The following OTUD7A variants were observed in gnomAD, a reference collection of about 807,000 sequenced individuals.
OTUD7A encodes OTU domain-containing protein 7A.
Under a neutral mutation model 65.7 loss-of-function variants are expected in OTUD7A, and 12 were observed. The ratio of observed to expected loss-of-function variants is 0.18; its 90% confidence interval spans 0.12 to 0.30. The LOEUF (loss-of-function observed/expected upper bound fraction) is 0.30. Ranked by LOEUF, OTUD7A falls within the 10% of genes least tolerant of loss-of-function variation. OTUD7A has a pLI of 1.00. For missense variants in OTUD7A, 1,148 were observed against 1,304.8 expected (o/e 0.88, Z 1.85); for synonymous variants, 641 against 586.3 (o/e 1.09, Z -1.35).
chr15:31,840,952 G>A lies in OTUD7A; in HGVS notation c.-100+29555C>T, dbSNP rs78821380. Among the ~76,000 whole-genome samples the A allele has an allele frequency of 4.1e-3, 629 of 152,290 alleles. 3 individuals carry two copies. Among genetic ancestry groups the A allele is most frequent in the Non-Finnish European group, 7.1e-3 (481 of 68,012 alleles). On this transcript the variant is annotated intron_variant, in intron 1 of 12. Transcript: ENST00000307050. ...CTTGTCACAGTACCACGCTGGGAGG[G>A]CTTCTGACAGACCACAACACCCTGC...
chr15:31,831,069 C>T (rs1035060832), intron 1 of OTUD7A, among the ~76,000 whole-genome samples: 3 of 152,138 alleles, frequency 2.0e-5, no homozygotes, highest in Non-Finnish European at 2.9e-5. Flanking sequence ...ATAGGATGGT[C>T]TTTTCAACAA....
intron 1 of OTUD7A, among the ~76,000 whole-genome samples, chr15:31,795,667 C>T (rs1895932496): frequency 6.6e-6 from 1 of 152,162 alleles, no homozygotes; most frequent in Non-Finnish European, 1.5e-5. Context: ...AGCCACTCTC[C>T]CCGGCCTGCA....
chr15:31,638,655 A>G (rs556214687), intron 3 of OTUD7A, among the ~76,000 whole-genome samples: 14 of 151,594 alleles, frequency 9.2e-5, no homozygotes, highest in Non-Finnish European at 2.1e-4. Context: ...CTTGGCTCTC[A>G]AAGTGCTGGG....
intron 1 of OTUD7A, among the ~76,000 whole-genome samples, chr15:31,777,985 G>A (rs990903559): frequency 2.0e-5 from 3 of 152,138 alleles, no homozygotes; most frequent in African/African-American, 7.2e-5. Flanking sequence ...GAAATGGAGC[G>A]GCTCTTAGAC....
intron 3 of OTUD7A, among the ~76,000 whole-genome samples, chr15:31,615,818 C>T (rs1030961494): frequency 1.6e-4 from 24 of 152,186 alleles, no homozygotes; most frequent in Middle Eastern, 3.2e-3. Context: ...CTTCCAGGTA[C>T]CAACAGAGAC....
chr15:31,549,638 G>C (rs1888253462), intron 5 of OTUD7A, among the ~76,000 whole-genome samples: 1 of 152,152 alleles, frequency 6.6e-6, no homozygotes, highest in Non-Finnish European at 1.5e-5. Context: ...GAAAGTCAGA[G>C]AGATTTACAG....
At chr15:31,623,028 A>G (rs1890843053) in intron 3 of OTUD7A, among the ~76,000 whole-genome samples, 4 of 152,132 alleles carry the variant, frequency 2.6e-5, no homozygotes, top group Non-Finnish European at 5.9e-5. Context: ...CTGGAGGTCC[A>G]CTCCAGAACC....
chr15:31,839,130 G>A (rs1897126349), intron 1 of OTUD7A, among the ~76,000 whole-genome samples: 2 of 152,154 alleles, frequency 1.3e-5, no homozygotes, highest in South Asian at 4.1e-4. Flanking sequence ...CTCAGGGCCA[G>A]GTTCCTCTGG....
chr15:31,752,550 A>G (rs941184254), intron 1 of OTUD7A, among the ~76,000 whole-genome samples: 2 of 152,152 alleles, frequency 1.3e-5, no homozygotes, highest in African/African-American at 4.8e-5. Context: ...ATTCATGCAT[A>G]ATTTTGCTAC....
chr15:31,852,503 G>A (rs1311939062), intron 1 of OTUD7A, among the ~76,000 whole-genome samples: 1 of 152,232 alleles, frequency 6.6e-6, no homozygotes, highest in East Asian at 1.9e-4. Context: ...CCAAAATACA[G>A]TTTGGGTTCA....
chr15:31,583,237 G>C (rs1462538542), intron 3 of OTUD7A, among the ~76,000 whole-genome samples: 1 of 152,194 alleles, frequency 6.6e-6, no homozygotes, highest in Non-Finnish European at 1.5e-5. Context: ...TCTAGTGATA[G>C]TCTCTAGCAA....
chr15:31,638,043 C>T (rs1043426485), intron 3 of OTUD7A, among the ~76,000 whole-genome samples: 1 of 152,154 alleles, frequency 6.6e-6, no homozygotes, highest in Non-Finnish European at 1.5e-5. Context: ...AAAGAAGTTC[C>T]ACTGTGGGTA....
intron 1 of OTUD7A, among the ~76,000 whole-genome samples, chr15:31,663,064 T>G (rs1209241034): frequency 6.6e-6 from 1 of 151,934 alleles, no homozygotes; most frequent in Non-Finnish European, 1.5e-5. Flanking sequence ...TAACTCTTTT[T>G]TTTTTTGAGA....
intron 5 of OTUD7A, among the ~76,000 whole-genome samples, chr15:31,543,097 T>C (rs926103760): frequency 6.6e-6 from 1 of 151,924 alleles, no homozygotes; most frequent in African/African-American, 2.4e-5. Context: ...AAAACACTAA[T>C]GTCTGATGAG....
At chr15:31,632,279 C>T (rs1011768368) in intron 3 of OTUD7A, among the ~76,000 whole-genome samples, 2 of 152,138 alleles carry the variant, frequency 1.3e-5, no homozygotes, top group Non-Finnish European at 2.9e-5. Context: ...TGTGGATGTC[C>T]TTTCTGTTTG....
chr15:31,697,994 A>G (rs1893123730), intron 1 of OTUD7A, among the ~76,000 whole-genome samples: 1 of 152,144 alleles, frequency 6.6e-6, no homozygotes, highest in African/African-American at 2.4e-5. Flanking sequence ...ACTGCTCATC[A>G]GGCAGCTTCA....
chr15:31,823,461 G>C (rs906605375), intron 1 of OTUD7A, among the ~76,000 whole-genome samples: 7 of 152,138 alleles, frequency 4.6e-5, no homozygotes, highest in African/African-American at 1.7e-4. Context: ...CCAACAAAGA[G>C]GATACATTTA....
At chr15:31,689,464 C>A (rs979297320) in intron 1 of OTUD7A, 2 of 144,268 alleles carry the variant, frequency 1.4e-5, no homozygotes, top group Non-Finnish European at 3.1e-5. Flanking sequence ...GAAGGTGAGA[C>A]CACAGCGCCT....
chr15:31,529,687 T>C (rs528696479), intron 6 of OTUD7A, among the ~76,000 whole-genome samples: 3 of 152,340 alleles, frequency 2.0e-5, no homozygotes, highest in African/African-American at 4.8e-5. Flanking sequence ...TGTATTTCCC[T>C]TGAAGCCCTT....
Sources: gnomAD v4.1 joint callset for allele counts (sites outside exome capture counted in the v4.1 genomes callset) on GRCh38, gnomAD v4.1.1 for gene constraint, MANE v1.5 for transcripts, NCBI Gene and HGNC (gene_info 2026-07-23, HGNC 2026-07-21) for gene names.